TTLL12: variants seen among roughly 807,000 people sequenced by gnomAD.
The protein encoded by TTLL12 is tubulin tyrosine ligase like 12.
Under a neutral mutation model 79.6 loss-of-function variants are expected in TTLL12, and 77 were observed. The observed-to-expected ratio is 0.97, with a 90% CI of 0.81 to 1.17. The LOEUF (loss-of-function observed/expected upper bound fraction) is 1.17, where lower values mean the gene tolerates loss of function less well. TTLL12 is among the 50% of genes most tolerant of loss of function. The probability of loss-of-function intolerance (pLI) is 0.00; values close to 1 mark genes in which losing one functional copy is unlikely to be tolerated. For synonymous variants in TTLL12, 437 were observed against 376.1 expected, an observed-to-expected ratio of 1.16 and a Z score of -1.87; for missense variants, 969 against 895.9, an observed-to-expected ratio of 1.08 and a Z score of -1.04.
chr22:43,176,417 A>G (rs1360806794), intron 5 of TTLL12, 21 bp from the exon 6 acceptor site: 1 of 1,589,886 alleles, frequency 6.3e-7, no homozygotes, highest in Admixed American at 1.8e-5. Flanking sequence ...ACACACCGGA[A>G]GTAGAGATGA....
At chr22:43,177,708 T>C (rs971635330) in intron 5 of TTLL12, among the ~76,000 whole-genome samples, 2 of 152,250 alleles carry the variant, frequency 1.3e-5, no homozygotes, top group Non-Finnish European at 2.9e-5. Context: ...ACATATGCCA[T>C]GCAGAAGCGG....
rs758764890 is a variant in TTLL12, at chr22:43,174,568, C to T, written c.965G>A (p.Arg322His). The T allele has an allele frequency of 2.0e-5, 33 of 1,613,298 alleles. No individual in the cohort carries two copies. The highest frequency in any genetic ancestry group is 5.5e-5 in the South Asian group (5 of 91,012). The change falls in exon 7 of 14, where the codon CGC becomes CAC. Residue 322 changes from arginine (R) to histidine (H), a missense_variant. Arg to His is a conservative substitution (Grantham distance 29). Coordinates refer to ENST00000216129, the MANE Select transcript of TTLL12 (RefSeq NM_015140.4). ...QQVASSLTHP[R>H]FTLTQSEADA... is the part of the protein sequence containing the mutation. Reference sequence around the variant, plus strand: ...CGCCTCACTCTGGGTGAGGGTGAAGCGCGGGTGGGTGAGGCTGCTGGCCAC... The same window carrying T: ...CGCCTCACTCTGGGTGAGGGTGAAGTGCGGGTGGGTGAGGCTGCTGGCCAC...
intron 10 of TTLL12, 130 bp from the exon 11 acceptor site, chr22:43,172,030 G>T: frequency 1.3e-6 from 1 of 772,628 alleles, no homozygotes. Context: ...GCTCAGGCGG[G>T]AGCCTGTTCC....
At position 43,176,351 on chromosome 22, in the gene TTLL12, G is replaced by T; in HGVS notation, c.886C>A (p.Pro296Thr). ...NKEKLPLDINPVVHPHGHIFK... is the reference protein window; with the variant it reads ...NKEKLPLDINTVVHPHGHIFK... ...ATGTGGCCGTGGGGGTGCACCACGG[G>T]GTTGATGTCAAGTGGCAGCTTCTCC... Residue 296 changes from proline to threonine, a missense_variant, in exon 6 of 14, where the codon CCC becomes ACC. By Grantham distance (38) the Pro-to-Thr change is conservative. Transcript: ENST00000216129. The T allele has an allele frequency of 6.2e-7, 1 of 1,604,752 alleles. No homozygotes were observed. The highest frequency in any genetic ancestry group is 8.5e-7 in the Non-Finnish European group (1 of 1,176,792).
intron 6 of TTLL12, among the ~76,000 whole-genome samples, chr22:43,174,960 G>A (rs559186616): frequency 6.6e-6 from 1 of 152,374 alleles, no homozygotes; most frequent in African/African-American, 2.4e-5. Flanking sequence ...GATGAGGCTG[G>A]GGCCACCAAT....
At chr22:43,181,301 G>A (rs75572484) in intron 2 of TTLL12, among the ~76,000 whole-genome samples, 9,914 of 152,318 alleles carry the variant, frequency 0.065, 457 homozygotes, top group East Asian at 0.26. Flanking sequence ...AGTCACTAGC[G>A]TGAAGTCCTC....
At position 43,168,800 on chromosome 22, in the gene TTLL12, A is replaced by C. The variant is rs1293688765; in HGVS notation, c.1757T>G (p.Met586Arg). 1 of 1,571,252 alleles carries C rather than the reference A, an allele frequency of 6.4e-7. No individual in the cohort carries two copies. The highest frequency in any genetic ancestry group is 1.9e-5 in the Admixed American group (1 of 52,936). The change falls in exon 13 of 14, where the codon ATG becomes AGG. Residue 586 changes from methionine to arginine, a missense_variant. Transcript: ENST00000216129. Reference sequence around the variant, plus strand: ...ATCTGGGCCGTTGTCCCACTTCAGCATGAGGTCGACGGCATACATGGCCCG... The same window carrying C: ...ATCTGGGCCGTTGTCCCACTTCAGCCTGAGGTCGACGGCATACATGGCCCG... Reference protein sequence around the residue: ...SSRAMYAVDLMLKWDNGPDGR... With the variant: ...SSRAMYAVDLRLKWDNGPDGR...
chr22:43,171,850 A>G lies in TTLL12; in HGVS notation c.1544T>C (p.Met515Thr). ...CAGCACCACATCCGGGTCATAGTTC[A>G]TGACCGTGAAGTGCTTCTCGTAGTC... ...LDDYEKHFTV[M>T]NYDPDVVLKQ... is the part of the protein sequence containing the mutation. Residue 515 changes from methionine (M) to threonine (T), a missense_variant, in exon 11 of 14, where the codon ATG (methionine) becomes ACG (threonine). Physicochemically the swap from Met to Thr is moderately conservative, Grantham distance 81. Transcript: ENST00000216129. The G allele has an allele frequency of 6.2e-7, 1 of 1,614,168 alleles. No homozygotes were observed. The highest frequency in any genetic ancestry group is 8.5e-7 in the Non-Finnish European group (1 of 1,180,000).
intron 3 of TTLL12, 132 bp downstream of exon 3, chr22:43,180,610 T>C (rs1160716338): frequency 2.8e-6 from 3 of 1,068,944 alleles, no homozygotes; most frequent in Non-Finnish European, 4.2e-6. Context: ...GATAGCACTC[T>C]CCTTAGGAAG....
At chr22:43,169,883 C>T (rs754103107) in intron 11 of TTLL12, 24 of 480,130 alleles carry the variant, frequency 5.0e-5, no homozygotes, top group African/African-American at 2.0e-4. Flanking sequence ...CAATGAACAT[C>T]GAGGGCTCCA....
rs1045727227 is a variant in TTLL12 at position 43,175,063 on chromosome 22, G to A, written c.918-448C>T. Among the ~76,000 whole-genome samples the A allele has an allele frequency of 4.6e-5, 7 of 152,228 alleles. No homozygotes were observed. In the South Asian group the frequency reaches 1.4e-3, roughly 32 times the overall value. ...CTGGCCAGGTCACCACAAGACTCAC[G>A]TCTCAGCAAGAGCCCCTGGGCTGCC... On this transcript the variant is annotated intron_variant, in intron 6 of 13. Transcript: ENST00000216129.
chr22:43,171,510 T>G, intron 11 of TTLL12: 2 of 276,618 alleles, frequency 7.2e-6, no homozygotes, highest in Non-Finnish European at 1.4e-5. Flanking sequence ...GAAGTGGTGG[T>G]GAGGAGTAAG....
intron 8 of TTLL12, 145 bp from the exon 9 acceptor site, chr22:43,173,971 G>T: frequency 1.1e-6 from 1 of 928,036 alleles, no homozygotes; most frequent in Non-Finnish European, 1.6e-6. Context: ...GCAGGGGCAT[G>T]GGAAACAAGG....
chr22:43,171,986 T>C, intron 10 of TTLL12, 86 bp from the exon 11 acceptor site: 1 of 1,180,092 alleles, frequency 8.5e-7, no homozygotes. Flanking sequence ...CCTTCCCAAC[T>C]AGGGGTTCAG....
chr22:43,167,262 G>C lies in TTLL12; in HGVS notation c.*746C>G. The C allele has an allele frequency of 2.0e-6, 1 of 509,916 alleles. No homozygotes were observed. The highest frequency in any genetic ancestry group is 1.5e-5 in the South Asian group (1 of 67,520). The allele number at this position is 509,916 out of a possible 1,614,324, so 31.6% of individuals were successfully genotyped here. A position where few individuals can be genotyped will look rare whatever the true frequency, so the allele number is the denominator to read the frequency against. The stretch of plus-strand genomic sequence containing the variant: ...AAGGGCGGGACCCCGTGGAGTGCCC[G>C]GCGAGCAGGGCAACCACTGGGAAGA... On this transcript the variant is annotated 3_prime_UTR_variant, in exon 14 of 14. Coordinates refer to ENST00000216129, the MANE Select transcript of TTLL12 (RefSeq NM_015140.4).
At chr22:43,185,297 ATATGTATG>A (rs1569488247) in intron 1 of TTLL12, among the ~76,000 whole-genome samples, 1 of 106,132 alleles carries the variant, frequency 9.4e-6, no homozygotes. Flanking sequence ...ATATATATAT[ATATGTATG>A]TATCTTCAAG....
In TTLL12 at chr22:43,173,575, A is replaced by G. The variant is rs1036025937; in HGVS notation, c.1341+140T>C. On this transcript the variant is annotated intron_variant, in intron 9 of 13. Coordinates refer to ENST00000216129, the MANE Select transcript of TTLL12 (RefSeq NM_015140.4). ...CAAGTGATCCTCCTCCACTTCCCAG[A>G]GTGCTGAGATTACAGGTGTAAGCCA... 3 of 700,888 alleles carry G rather than the reference A, an allele frequency of 4.3e-6. 1 individual carries two copies. The Admixed American group carries it at 8.8e-5, about 21-fold the overall frequency. The allele number at this position is 700,888 out of a possible 1,614,324, so 43.4% of individuals were successfully genotyped here.
intron 1 of TTLL12, chr22:43,185,873 G>T: frequency 1.2e-6 from 1 of 820,360 alleles, no homozygotes; most frequent in Non-Finnish European, 1.5e-6. Context: ...ACAGGCCTGG[G>T]ACCAGAGTGG....
chr22:43,172,894 C>T lies in TTLL12; in HGVS notation c.1342-340G>A, dbSNP rs887043409. On this transcript the variant is annotated intron_variant, in intron 9 of 13. Coordinates refer to ENST00000216129, the MANE Select transcript of TTLL12 (RefSeq NM_015140.4). ...TGTATTTTTAGTAGAGAAGGGGTTT[C>T]TCCATGTTGGCCAGGCTGGTTTCGA... Among the ~76,000 whole-genome samples, 7 of 152,246 alleles carry T rather than the reference C, an allele frequency of 4.6e-5. 1 individual carries two copies. The highest frequency in any genetic ancestry group is 6.8e-3 in the Middle Eastern group (2 of 294).
Sources: gnomAD v4.1 joint callset for allele counts (sites outside exome capture counted in the v4.1 genomes callset) on GRCh38, gnomAD v4.1.1 for gene constraint, MANE v1.5 for transcripts, NCBI Gene and HGNC (gene_info 2026-07-23, HGNC 2026-07-21) for gene names.